Variants in PTPRN2 observed in about 807,000 individuals in gnomAD.
PTPRN2 encodes receptor-type tyrosine-protein phosphatase N2.
PTPRN2 carries 74 observed loss-of-function variants against 118.8 expected under a neutral mutation model. The ratio of observed to expected loss-of-function variants is 0.62; its 90% CI spans 0.52 to 0.76. The LOEUF is 0.76. Ranked by LOEUF, PTPRN2 falls within the 30% of genes least tolerant of loss-of-function variation. The pLI, the probability that PTPRN2 is intolerant of heterozygous loss-of-function variation, is 0.00. For missense variants in PTPRN2, 1,481 were observed against 1,394.4 expected, an observed-to-expected ratio of 1.06 and a Z score of -0.99; for synonymous variants, 641 against 608.0, an observed-to-expected ratio of 1.05 and a Z score of -0.80.
chr7:157,657,228 A>C (rs1424847472), intron 13 of PTPRN2, among the ~76,000 whole-genome samples: 14 of 96,108 alleles, frequency 1.5e-4, no homozygotes, highest in East Asian at 3.3e-4. Flanking sequence ...CACATACGCC[A>C]CACACACACA....
rs923190253 is a variant in PTPRN2, at chr7:157,747,320, C to T, written c.1789-64383G>A. ...TGAGCTGTGGGGTGTCCGGGTGATTCTGAGGCCTGCGTCCCTGAGCTGTGG... is the reference window on the plus strand; with the variant it reads ...TGAGCTGTGGGGTGTCCGGGTGATTTTGAGGCCTGCGTCCCTGAGCTGTGG... On this transcript the variant is annotated intron_variant, in intron 12 of 22. Coordinates refer to ENST00000389418, the MANE Select transcript of PTPRN2 (RefSeq NM_002847.5). Among the ~76,000 whole-genome samples, 780 of 128,332 alleles carry T rather than the reference C, an allele frequency of 6.1e-3. 1 individual carries two copies. The highest frequency in any genetic ancestry group is 0.021 in the Admixed American group (236 of 11,262). The allele number at this position is 128,332 out of a possible 152,430, so 84.2% of individuals were successfully genotyped here.
chr7:157,723,523 A>G (rs539652885), intron 12 of PTPRN2, among the ~76,000 whole-genome samples: 1 of 152,186 alleles, frequency 6.6e-6, no homozygotes, highest in East Asian at 1.9e-4. Context: ...GTTCCCAAGC[A>G]CTTTCTCCCT....
At chr7:157,682,620 C>T (rs1585230447) in intron 13 of PTPRN2, 105 bp downstream of exon 13, 11 of 1,204,548 alleles carry the variant, frequency 9.1e-6, no homozygotes, top group East Asian at 2.3e-5. Flanking sequence ...AACTATGATA[C>T]AGGAACAACT....
chr7:157,999,057 C>A (rs566223076), intron 11 of PTPRN2, among the ~76,000 whole-genome samples: 3 of 151,912 alleles, frequency 2.0e-5, no homozygotes, highest in African/African-American at 7.3e-5. Flanking sequence ...TTCCTCCGAG[C>A]GGCCGTAGGG....
intron 3 of PTPRN2, among the ~76,000 whole-genome samples, chr7:158,256,389 C>T (rs1408671156): frequency 6.6e-6 from 1 of 152,214 alleles, no homozygotes; most frequent in African/African-American, 2.4e-5. Flanking sequence ...TTGTCACGTG[C>T]ACCCTTGGAG....
intron 2 of PTPRN2, among the ~76,000 whole-genome samples, chr7:158,379,339 T>A (rs1163046463): frequency 7.9e-5 from 12 of 152,250 alleles, no homozygotes; most frequent in Non-Finnish European, 1.5e-5. Context: ...AGACCCACCT[T>A]CATAGATGGT....
At chr7:158,096,919 A>T (rs1473646175) in intron 10 of PTPRN2, among the ~76,000 whole-genome samples, 1 of 152,172 alleles carries the variant, frequency 6.6e-6, no homozygotes, top group African/African-American at 2.4e-5. Context: ...GCTTTGAGTG[A>T]TATTACTAAC....
chr7:158,244,935 G>A (rs949301916), intron 3 of PTPRN2, among the ~76,000 whole-genome samples: 2 of 152,228 alleles, frequency 1.3e-5, no homozygotes, highest in Non-Finnish European at 2.9e-5. Context: ...CCCGGGGTGG[G>A]GGCCGTGGGA....
rs1179009564 is a variant in PTPRN2 at position 157,929,644 on chromosome 7, TC to T, written c.1724-30908del. On this transcript the variant is annotated intron_variant, in intron 11 of 22. Transcript: ENST00000389418. This position sits in a 1 kb window ranked among gnomAD's most constrained non-coding sequence, Gnocchi z 4.4. ...CTCATTAAATCAAATTTATTCCCAA[TC>T]CTCTGATCTCCATTCACCAGCCTCC... Among the ~76,000 whole-genome samples the T allele has an allele frequency of 8.6e-5, 13 of 152,026 alleles. No homozygotes were observed. The highest frequency in any genetic ancestry group is 1.8e-4 in the Non-Finnish European group (12 of 67,980).
chr7:158,146,235 G>T lies in PTPRN2; in HGVS notation c.911-7720C>A, dbSNP rs564296538. The stretch of plus-strand genomic sequence containing the variant: ...CCAACTTGCTCAAGATCTAATTCAA[G>T]ATTATGCATTTTGAAACTATTTTCT... On this transcript the variant is annotated intron_variant, in intron 6 of 22. Coordinates refer to ENST00000389418, the MANE Select transcript of PTPRN2 (RefSeq NM_002847.5). Among the ~76,000 whole-genome samples, 10 of 152,116 alleles carry T rather than the reference G, an allele frequency of 6.6e-5. No homozygotes were observed. In the South Asian group the frequency reaches 1.5e-3, roughly 22 times the overall value.
chr7:157,983,019 CAG>C (rs1311749969), intron 11 of PTPRN2, among the ~76,000 whole-genome samples: 4 of 836 alleles, frequency 4.8e-3, no homozygotes, highest in African/African-American at 0.029. Context: ...GAGGGGAATG[CAG>C]AGTGCAGGGT....
rs1182754778 is a variant in PTPRN2 at position 157,583,138 on chromosome 7, C to T, written c.2497-4998G>A. Among the ~76,000 whole-genome samples the T allele has an allele frequency of 2.0e-5, 3 of 152,082 alleles. No individual in the cohort carries two copies. Among genetic ancestry groups the T allele is most frequent in the Non-Finnish European group, 4.4e-5 (3 of 68,006 alleles). ...TATACACAATGAAATATTATTCAGC[C>T]TTAAGAAAGAATGAACTCCTGTCAT... On this transcript the variant is annotated intron_variant, in intron 17 of 22. Transcript: ENST00000389418. This position sits in a 1 kb window ranked among gnomAD's most constrained non-coding sequence, Gnocchi z 5.5.
intron 2 of PTPRN2, among the ~76,000 whole-genome samples, chr7:158,331,272 T>A (rs7798495): frequency 2.9e-5 from 2 of 68,212 alleles, no homozygotes; most frequent in Non-Finnish European, 3.3e-5. Flanking sequence ...CCATAAGAGC[T>A]GACACCCGCA....
At chr7:157,937,972 G>C (rs997115702) in intron 11 of PTPRN2, among the ~76,000 whole-genome samples, 4 of 152,162 alleles carry the variant, frequency 2.6e-5, no homozygotes, top group Non-Finnish European at 5.9e-5. Flanking sequence ...ACAATGTCAA[G>C]CTGGAAATTA....
At chr7:158,342,251 C>T in intron 2 of PTPRN2, among the ~76,000 whole-genome samples, 1 of 146,618 alleles carries the variant, frequency 6.8e-6, no homozygotes, top group Admixed American at 6.7e-5. Flanking sequence ...GAGCTGACGC[C>T]CGCAGACGTC....
At chr7:157,899,955 C>T (rs770187762) in intron 11 of PTPRN2, among the ~76,000 whole-genome samples, 2 of 152,136 alleles carry the variant, frequency 1.3e-5, no homozygotes, top group Non-Finnish European at 2.9e-5. Context: ...TGCTGCTGTC[C>T]TCCCGCAAAC....
chr7:158,523,638 G>A (rs1423003647), intron 1 of PTPRN2, among the ~76,000 whole-genome samples: 11 of 104,216 alleles, frequency 1.1e-4, no homozygotes, highest in East Asian at 3.2e-4. Context: ...ATCTGCCCTG[G>A]AGCGGAGTCT....
intron 12 of PTPRN2, among the ~76,000 whole-genome samples, chr7:157,772,268 T>TACAGACATACACAGACACACAAACAC (rs1563091959): frequency 1.4e-5 from 1 of 73,822 alleles, no homozygotes; most frequent in Non-Finnish European, 2.3e-5. Flanking sequence ...CAGACACCCA[T>TACAGACATACACAGACACACAAACAC]ACAGACATAC....
rs1019830697 is a variant in PTPRN2, at chr7:157,629,250, C to T, written c.2197-7741G>A. 2.9e-4 allele frequency among the ~76,000 whole-genome samples: 44 copies of T among 152,000 alleles called. No individual in the cohort carries two copies. The highest frequency in any genetic ancestry group is 1.3e-3 in the Admixed American group (20 of 15,262). ...CTGCAGACCCTGCTGCCAAAGACACCGCAGAACCCATGGGGAGGCAGAAGA... is the reference window on the plus strand; with the variant it reads ...CTGCAGACCCTGCTGCCAAAGACACTGCAGAACCCATGGGGAGGCAGAAGA... On this transcript the variant is annotated intron_variant, in intron 14 of 22. Coordinates refer to ENST00000389418, the MANE Select transcript of PTPRN2 (RefSeq NM_002847.5). This position sits in a 1 kb window ranked among gnomAD's most constrained non-coding sequence, Gnocchi z 4.4.
Sources: allele counts gnomAD v4.1 joint callset (sites outside exome capture counted in the v4.1 genomes callset), GRCh38; gene constraint gnomAD v4.1.1; non-coding constraint Gnocchi (gnomAD v3.1); transcripts MANE v1.5; gene names NCBI Gene and HGNC (gene_info 2026-07-23, HGNC 2026-07-21).